Variants in CD2AP observed in about 807,000 individuals in gnomAD.
The protein encoded by CD2AP is CD2-associated protein.
Under a neutral mutation model 85.1 loss-of-function variants are expected in CD2AP, and 46 were observed. That is an observed-to-expected ratio of 0.54 (90% CI 0.43 to 0.69). The LOEUF (loss-of-function observed/expected upper bound fraction) is 0.69, where lower values mean the gene tolerates loss of function less well. CD2AP is among the 30% of genes least tolerant of loss of function. CD2AP has a pLI of 0.00. For synonymous variants in CD2AP, 255 were observed against 252.9 expected, an observed-to-expected ratio of 1.01 and a Z score of -0.08; for missense variants, 769 against 729.5, an observed-to-expected ratio of 1.05 and a Z score of -0.62.
rs572518319 is a variant in CD2AP at position 47,527,114 on chromosome 6, G to A, written c.166-6488G>A. On this transcript the variant is annotated intron_variant, in intron 2 of 17. Transcript: ENST00000359314. ...TTTCCAAAATAAAAGACTCCCCCCC[G>A]ATTGAAAAATATTCATTGTTCTTTT... 3.3e-4 allele frequency among the ~76,000 whole-genome samples: 28 copies of A among 84,802 alleles called. No homozygotes were observed. The East Asian group carries it at 4.5e-3, about 14-fold the overall frequency. The allele number at this position is 84,802 out of a possible 152,430, so 55.6% of individuals were successfully genotyped here. A position where few individuals can be genotyped will look rare whatever the true frequency, so the allele number is the denominator to read the frequency against.
intron 13 of CD2AP, among the ~76,000 whole-genome samples, chr6:47,602,708 A>G (rs561290900): frequency 6.7e-4 from 102 of 151,220 alleles, no homozygotes; most frequent in African/African-American, 2.4e-3. Context: ...TGGGTAACAT[A>G]GTGAGACCGT....
At position 47,511,252 on chromosome 6, in the gene CD2AP, C is replaced by T. The variant is rs1766307264; in HGVS notation, c.165+7812C>T. 2.0e-5 allele frequency among the ~76,000 whole-genome samples: 3 copies of T among 152,186 alleles called. No individual in the cohort carries two copies. In the South Asian group the frequency reaches 6.2e-4, roughly 32 times the overall value. On this transcript the variant is annotated intron_variant, in intron 2 of 17. Coordinates refer to ENST00000359314, the MANE Select transcript of CD2AP (RefSeq NM_012120.3). ...CCTTCACCTTTGTGGTATTCTTCCC[C>T]AAAGTCCATGATCCTGGCTGGGGAA...
At chr6:47,492,121 T>C (rs1765751576) in intron 1 of CD2AP, among the ~76,000 whole-genome samples, 1 of 152,136 alleles carries the variant, frequency 6.6e-6, no homozygotes, top group Non-Finnish European at 1.5e-5. Flanking sequence ...GTTTAGAAAT[T>C]TCTCCTCTCT....
intron 4 of CD2AP, among the ~76,000 whole-genome samples, chr6:47,546,469 C>T (rs1416465297): frequency 6.6e-6 from 1 of 152,060 alleles, no homozygotes; most frequent in Non-Finnish European, 1.5e-5. Context: ...TGCTACAGAC[C>T]TAGACATCCA....
At chr6:47,573,240 T>C (rs1243180151) in intron 5 of CD2AP, among the ~76,000 whole-genome samples, 1 of 152,104 alleles carries the variant, frequency 6.6e-6, no homozygotes, top group Admixed American at 6.5e-5. Context: ...TATATAGTAA[T>C]TGAGTTTCCA....
At chr6:47,559,057 G>T (rs1767773715) in intron 5 of CD2AP, among the ~76,000 whole-genome samples, 1 of 152,044 alleles carries the variant, frequency 6.6e-6, no homozygotes, top group South Asian at 2.1e-4. Flanking sequence ...TCTTGGGAAG[G>T]TTTATGTGTC....
At chr6:47,551,326 A>G (rs939116801) in intron 4 of CD2AP, among the ~76,000 whole-genome samples, 2 of 152,092 alleles carry the variant, frequency 1.3e-5, no homozygotes, top group African/African-American at 2.4e-5. Flanking sequence ...GCACAGATTG[A>G]TTTTGTGTCA....
rs562350159 is a variant in CD2AP at position 47,616,082 on chromosome 6, C to CTTTTTTTTTTTTTTTTT, written c.1878+3557_1878+3573dup. Among the ~76,000 whole-genome samples the CTTTTTTTTTTTTTTTTT allele has an allele frequency of 3.6e-4, 23 of 63,808 alleles. 3 individuals carry two copies. The highest frequency in any genetic ancestry group is 9.0e-4 in the Admixed American group (5 of 5,576). The allele number at this position is 63,808 out of a possible 152,430, so 41.9% of individuals were successfully genotyped here. A position where few individuals can be genotyped will look rare whatever the true frequency, so the allele number is the denominator to read the frequency against. The stretch of plus-strand genomic sequence containing the variant: ...GCAGGCATGAGCCACTGCGCCTGGC[C>CTTTTTTTTTTTTTTTTT]TTTTTTTTTTTTTTTTTTTTTTTTT... On this transcript the variant is annotated intron_variant, in intron 17 of 17. Coordinates refer to ENST00000359314, the MANE Select transcript of CD2AP (RefSeq NM_012120.3).
intron 2 of CD2AP, among the ~76,000 whole-genome samples, chr6:47,507,425 T>C (rs1766200998): frequency 6.6e-6 from 1 of 152,184 alleles, no homozygotes; most frequent in African/African-American, 2.4e-5. Context: ...TTTGCCCAGA[T>C]TGAGCAGAAG....
At chr6:47,510,420 G>A (rs951548796) in intron 2 of CD2AP, among the ~76,000 whole-genome samples, 1 of 152,134 alleles carries the variant, frequency 6.6e-6, no homozygotes. Context: ...TGATTCTGGT[G>A]TTTGGGGTAA....
rs1582604460 is a variant in CD2AP, at chr6:47,595,760, C to G, written c.1109-101C>G. On this transcript the variant is annotated intron_variant, in intron 11 of 17. Transcript: ENST00000359314. ...AAATACAGAGAATGAAAGTTCATGT[C>G]TGCCTCTGTCACACTTTTCCAGCCT... is the stretch of plus-strand genomic sequence containing the variant. 21 of 869,422 alleles carry G rather than the reference C, an allele frequency of 2.4e-5. No homozygotes were observed. The East Asian group carries it at 5.2e-4, about 21-fold the overall frequency. 53.9% of individuals were successfully genotyped at this position (869,422 alleles called of 1,614,324 possible). A position where few individuals can be genotyped will look rare whatever the true frequency, so the allele number is the denominator to read the frequency against.
At chr6:47,557,568 T>C (rs543526974) in intron 5 of CD2AP, among the ~76,000 whole-genome samples, 56 of 152,312 alleles carry the variant, frequency 3.7e-4, no homozygotes, top group African/African-American at 1.3e-3. Context: ...TCCAACAACA[T>C]TTATTAAATA....
At chr6:47,517,158 C>T (rs1392086779) in intron 2 of CD2AP, among the ~76,000 whole-genome samples, 1 of 152,170 alleles carries the variant, frequency 6.6e-6, no homozygotes, top group African/African-American at 2.4e-5. Flanking sequence ...TTCCTGCTCT[C>T]ACTATGTGAT....
At chr6:47,535,456 G>A (rs1767013249) in intron 3 of CD2AP, among the ~76,000 whole-genome samples, 1 of 152,030 alleles carries the variant, frequency 6.6e-6, no homozygotes, top group Non-Finnish European at 1.5e-5. Context: ...TTCATAAGCT[G>A]TTGTCTGTCA....
At position 47,624,709 on chromosome 6, in the gene CD2AP, GTGTGTGTGTGTGTATA is replaced by G. The variant is rs1253855616; in HGVS notation, c.*484_*499del. The G allele has an allele frequency of 7.2e-6, 1 of 138,412 alleles. No homozygotes were observed. Among genetic ancestry groups the G allele is most frequent in the African/African-American group, 2.7e-5 (1 of 37,478 alleles). The allele number at this position is 138,412 out of a possible 1,614,324, so 8.6% of individuals were successfully genotyped here. On this transcript the variant is annotated 3_prime_UTR_variant, in exon 18 of 18. Coordinates refer to ENST00000359314, the MANE Select transcript of CD2AP (RefSeq NM_012120.3). Reference sequence around the variant, plus strand: ...TGTGTGTGTGTGTGTGTGTGTGTGTGTGTGTGTGTGTGTATATATATATATATATTTTTACTTTTAT... The same window carrying G: ...TGTGTGTGTGTGTGTGTGTGTGTGTGTATATATATATATTTTTACTTTTAT...
At chr6:47,501,991 A>G (rs1766008524) in intron 1 of CD2AP, among the ~76,000 whole-genome samples, 1 of 152,226 alleles carries the variant, frequency 6.6e-6, no homozygotes, top group African/African-American at 2.4e-5. Context: ...GGGCATGGCC[A>G]GCTGGATCCT....
chr6:47,515,249 G>C (rs1487603879), intron 2 of CD2AP, among the ~76,000 whole-genome samples: 1 of 151,728 alleles, frequency 6.6e-6, no homozygotes, highest in Non-Finnish European at 1.5e-5. Context: ...TAAAGTAGGG[G>C]GTACAGTATA....
At chr6:47,558,651 C>T (rs1456800627) in intron 5 of CD2AP, among the ~76,000 whole-genome samples, 1 of 152,182 alleles carries the variant, frequency 6.6e-6, no homozygotes, top group African/African-American at 2.4e-5. Context: ...TTGAACCAGC[C>T]TTGCATCCCA....
intron 2 of CD2AP, among the ~76,000 whole-genome samples, chr6:47,528,638 C>G (rs562261723): frequency 2.6e-4 from 39 of 152,118 alleles, no homozygotes; most frequent in Non-Finnish European, 5.1e-4. Flanking sequence ...AGTGGAAATA[C>G]AATAAAACAT....
Sources: allele counts gnomAD v4.1 joint callset (sites outside exome capture counted in the v4.1 genomes callset), GRCh38; gene constraint gnomAD v4.1.1; transcripts MANE v1.5; gene names NCBI Gene and HGNC (gene_info 2026-07-23, HGNC 2026-07-21).